SH3RF3: variants seen among roughly 807,000 people sequenced by gnomAD.
SH3RF3 encodes SH3 domain containing ring finger 3.
SH3RF3 carries 29 observed loss-of-function variants against 66.3 expected under a neutral mutation model. The observed-to-expected ratio is 0.44, with a 90% CI of 0.33 to 0.60. The LOEUF (loss-of-function observed/expected upper bound fraction) is 0.60, where lower values mean the gene tolerates loss of function less well. SH3RF3 is among the 20% of genes least tolerant of loss of function. The probability of loss-of-function intolerance (pLI) is 0.04; values close to 1 mark genes in which losing one functional copy is unlikely to be tolerated. For missense variants in SH3RF3, 1,194 were observed against 1,190.9 expected, an observed-to-expected ratio of 1.00 and a Z score of -0.04; for synonymous variants, 583 against 532.0, an observed-to-expected ratio of 1.10 and a Z score of -1.32.
chr2:109,325,331 CTTTTTTTTTTTTTTTTT>C (rs11298946), intron 1 of SH3RF3, among the ~76,000 whole-genome samples: 2 of 66,256 alleles, frequency 3.0e-5, no homozygotes, highest in Non-Finnish European at 5.4e-5. Context: ...TTCTTTCTTT[CTTTTTTTTTTTTTTTTT>C]TTTTTTTTTT....
chr2:109,260,595 G>A (rs1206583692), intron 1 of SH3RF3, among the ~76,000 whole-genome samples: 2 of 152,208 alleles, frequency 1.3e-5, no homozygotes, highest in African/African-American at 4.8e-5. Context: ...TATGTGGAGT[G>A]CCTGATGCAG....
intron 4 of SH3RF3, among the ~76,000 whole-genome samples, chr2:109,401,558 T>C (rs1446257220): frequency 6.6e-6 from 1 of 152,154 alleles, no homozygotes; most frequent in East Asian, 1.9e-4. Flanking sequence ...GAGTAATATG[T>C]CCAAAGCTGC....
intron 1 of SH3RF3, among the ~76,000 whole-genome samples, chr2:109,225,520 C>T (rs1574514647): frequency 6.6e-6 from 1 of 152,244 alleles, no homozygotes; most frequent in East Asian, 1.9e-4. Flanking sequence ...CACTCACACT[C>T]ACCATGTGGA....
intron 3 of SH3RF3, among the ~76,000 whole-genome samples, chr2:109,395,173 A>G (rs1012834248): frequency 6.6e-6 from 1 of 152,140 alleles, no homozygotes; most frequent in Non-Finnish European, 1.5e-5. Flanking sequence ...TGCGTGCGCT[A>G]CTCGCATGCC....
chr2:109,219,137 C>G (rs772650243), intron 1 of SH3RF3, among the ~76,000 whole-genome samples: 2 of 152,182 alleles, frequency 1.3e-5, no homozygotes, highest in Non-Finnish European at 2.9e-5. Context: ...CCACCTCTCT[C>G]GCTCACACCC....
chr2:109,336,861 C>T lies in SH3RF3; in HGVS notation c.574-10813C>T, dbSNP rs189450789. 4.6e-3 allele frequency among the ~76,000 whole-genome samples: 699 copies of T among 152,206 alleles called. 4 individuals carry two copies. The highest frequency in any genetic ancestry group is 7.2e-3 in the Non-Finnish European group (488 of 68,010). ...CCTGCTCCAACCGTATCCGTCAACA[C>T]CTGGTGCAGTGAAGAATTCTGCTCA... On this transcript the variant is annotated intron_variant, in intron 1 of 9. Coordinates refer to ENST00000309415, the MANE Select transcript of SH3RF3 (RefSeq NM_001099289.3).
At chr2:109,262,701 T>C (rs958561312) in intron 1 of SH3RF3, among the ~76,000 whole-genome samples, 32 of 152,262 alleles carry the variant, frequency 2.1e-4, no homozygotes, top group Admixed American at 3.9e-4. Flanking sequence ...TATCAGGAGA[T>C]AATTCTTTAT....
At chr2:109,395,392 C>A (rs2104427513) in intron 3 of SH3RF3, among the ~76,000 whole-genome samples, 1 of 152,328 alleles carries the variant, frequency 6.6e-6, no homozygotes, top group South Asian at 2.1e-4. Flanking sequence ...TACAGCCTAA[C>A]CCCTCCTCTT....
At chr2:109,381,888 A>C (rs961412037) in intron 3 of SH3RF3, among the ~76,000 whole-genome samples, 1 of 152,134 alleles carries the variant, frequency 6.6e-6, no homozygotes, top group African/African-American at 2.4e-5. Flanking sequence ...AGCTGAGTGC[A>C]TGTGCAATGG....
chr2:109,416,859 C>A (rs1021398014), intron 4 of SH3RF3, among the ~76,000 whole-genome samples: 12 of 149,896 alleles, frequency 8.0e-5, no homozygotes, highest in African/African-American at 2.7e-4. Context: ...GAGCTGAGAT[C>A]GCGCCACTGC....
intron 4 of SH3RF3, among the ~76,000 whole-genome samples, chr2:109,417,428 C>A (rs1170655188): frequency 6.6e-6 from 1 of 152,154 alleles, no homozygotes; most frequent in East Asian, 1.9e-4. Context: ...AGACAGAAGA[C>A]CCTGGAATCC....
intron 8 of SH3RF3, among the ~76,000 whole-genome samples, chr2:109,462,108 C>A (rs1300649384): frequency 6.6e-6 from 1 of 150,896 alleles, no homozygotes; most frequent in African/African-American, 2.4e-5. Flanking sequence ...GGTGTCTTAC[C>A]AACAAATCTA....
At chr2:109,152,128 G>C (rs1226452319) in intron 1 of SH3RF3, among the ~76,000 whole-genome samples, 1 of 152,202 alleles carries the variant, frequency 6.6e-6, no homozygotes, top group African/African-American at 2.4e-5. Flanking sequence ...TCTTTTTGGA[G>C]AGGATGAAAT....
chr2:109,375,647 T>C (rs951439396), intron 3 of SH3RF3, among the ~76,000 whole-genome samples: 1 of 152,114 alleles, frequency 6.6e-6, no homozygotes, highest in Non-Finnish European at 1.5e-5. Flanking sequence ...CAGGGCAGAG[T>C]GAACTCACAG....
chr2:109,209,415 A>G (rs1323220435), intron 1 of SH3RF3, among the ~76,000 whole-genome samples: 1 of 152,060 alleles, frequency 6.6e-6, no homozygotes, highest in Non-Finnish European at 1.5e-5. Flanking sequence ...CAGGGTGTAA[A>G]CACTCCCACC....
intron 1 of SH3RF3, among the ~76,000 whole-genome samples, chr2:109,294,980 C>A (rs1681274811): frequency 6.6e-6 from 1 of 152,252 alleles, no homozygotes; most frequent in African/African-American, 2.4e-5. Flanking sequence ...ATTCAGGGCT[C>A]ATGGTAGCCA....
intron 1 of SH3RF3, among the ~76,000 whole-genome samples, chr2:109,221,733 A>G (rs1679248705): frequency 6.6e-6 from 1 of 152,126 alleles, no homozygotes; most frequent in African/African-American, 2.4e-5. Context: ...CGTGGAGAAA[A>G]GGGAACTCAC....
chr2:109,479,000 C>T (rs938191056), intron 8 of SH3RF3, among the ~76,000 whole-genome samples: 7 of 152,162 alleles, frequency 4.6e-5, no homozygotes, highest in Admixed American at 6.5e-5. Context: ...GATTTGCTGG[C>T]GGGAGCTGCA....
At chr2:109,499,809 A>G (rs1679343569) in intron 9 of SH3RF3, among the ~76,000 whole-genome samples, 2 of 152,134 alleles carry the variant, frequency 1.3e-5, no homozygotes, top group Non-Finnish European at 2.9e-5. Flanking sequence ...TCATAGCCGG[A>G]CACTAGTGAA....
Sources: gnomAD v4.1 joint callset for allele counts (sites outside exome capture counted in the v4.1 genomes callset) on GRCh38, gnomAD v4.1.1 for gene constraint, MANE v1.5 for transcripts, NCBI Gene and HGNC (gene_info 2026-07-23, HGNC 2026-07-21) for gene names.